The following POLE2 variants were observed in gnomAD, a reference collection of about 807,000 sequenced individuals.
POLE2 encodes DNA polymerase epsilon 2, accessory subunit.
In POLE2, 56 loss-of-function variants were observed where a neutral mutation model predicts 79.4. The observed-to-expected ratio is 0.71, with a 90% CI of 0.57 to 0.88. The LOEUF is 0.88. POLE2 is among the 40% of genes least tolerant of loss of function. POLE2 has a pLI of 0.00. For synonymous variants in POLE2, 212 were observed against 214.0 expected, an observed-to-expected ratio of 0.99 and a Z score of 0.08; for missense variants, 598 against 638.9, an observed-to-expected ratio of 0.94 and a Z score of 0.69.
At chr14:49,681,105 G>C (rs1346030445) in intron 2 of POLE2, among the ~76,000 whole-genome samples, 1 of 152,152 alleles carries the variant, frequency 6.6e-6, no homozygotes, top group Non-Finnish European at 1.5e-5. Flanking sequence ...GCACTTCTCA[G>C]CCTTTTATGC....
chr14:49,669,174 G>A (rs754612971), intron 6 of POLE2, among the ~76,000 whole-genome samples: 1 of 152,202 alleles, frequency 6.6e-6, no homozygotes, highest in Non-Finnish European at 1.5e-5. Context: ...GAGTTCCTTA[G>A]TGTTATGGTC....
chr14:49,673,005 C>T (rs982651916), intron 5 of POLE2, among the ~76,000 whole-genome samples: 1 of 152,144 alleles, frequency 6.6e-6, no homozygotes. Context: ...ACAACATTCT[C>T]TTTTTCCTGT....
intron 8 of POLE2, 84 bp downstream of exon 8, chr14:49,665,023 T>C (rs914435113): frequency 8.4e-6 from 6 of 713,668 alleles, no homozygotes; most frequent in African/African-American, 3.6e-5. Context: ...AGAACCCAAA[T>C]AGGTAAATTT....
chr14:49,645,078 C>G (rs1194050875), intron 18 of POLE2, among the ~76,000 whole-genome samples: 1 of 146,504 alleles, frequency 6.8e-6, no homozygotes, highest in Non-Finnish European at 1.5e-5. Flanking sequence ...AAAAAGCCAG[C>G]TGTACCTATA....
rs541953634 is a variant in POLE2 at position 49,647,316 on chromosome 14, A to T, written c.1542T>A (p.Pro514=). The T allele has an allele frequency of 6.4e-7, 1 of 1,571,494 alleles. No individual in the cohort carries two copies. The highest frequency in any genetic ancestry group is 1.8e-5 in the Admixed American group (1 of 55,790). Residue 514 remains proline (P), a synonymous_variant, in exon 18 of 19, where the codon CCT becomes CCA. Coordinates refer to ENST00000216367, the MANE Select transcript of POLE2 (RefSeq NM_002692.4). ...RSGFSFKVFY[P]SNKTVEDSKL... ...ACCTATCTTCTACTGTCTTATTAGA[A>T]GGATAAAAAACTTTGAATGAAAATC...
At chr14:49,683,389 G>A (rs530993264) in intron 2 of POLE2, among the ~76,000 whole-genome samples, 17 of 150,974 alleles carry the variant, frequency 1.1e-4, no homozygotes, top group African/African-American at 3.2e-4. Flanking sequence ...GCAACAGAGC[G>A]AGACTCCATC....
chr14:49,650,897 T>C (rs1884172919), intron 16 of POLE2, among the ~76,000 whole-genome samples: 2 of 152,210 alleles, frequency 1.3e-5, no homozygotes, highest in African/African-American at 4.8e-5. Context: ...AGATAAATAC[T>C]GCACATTCTT....
intron 6 of POLE2, among the ~76,000 whole-genome samples, chr14:49,667,312 A>T (rs1287151586): frequency 6.6e-6 from 1 of 152,168 alleles, no homozygotes; most frequent in East Asian, 1.9e-4. Context: ...ATGAAATCAT[A>T]GTATATGTAC....
At chr14:49,677,341 C>T (rs1886355007) in intron 3 of POLE2, 1 of 518,466 alleles carries the variant, frequency 1.9e-6, no homozygotes, top group South Asian at 2.2e-5. Context: ...AACTTCCTGA[C>T]TTAGGATCAA....
chr14:49,682,056 G>T (rs570057370), intron 2 of POLE2, among the ~76,000 whole-genome samples: 1 of 146,076 alleles, frequency 6.8e-6, no homozygotes, highest in South Asian at 2.2e-4. Flanking sequence ...CCAGTCTGGA[G>T]TGCAGTGGCA....
intron 5 of POLE2, among the ~76,000 whole-genome samples, chr14:49,670,556 G>T (rs1448507296): frequency 6.6e-6 from 1 of 152,044 alleles, no homozygotes; most frequent in Non-Finnish European, 1.5e-5. Context: ...AGGAATTCAA[G>T]GTCTAGAAAA....
rs118002898 is a variant in POLE2, at chr14:49,661,970, G to C, written c.755+1345C>G. ...GAAACAAATGGTAAACTCACAGCCA[G>C]CCAACTCAACTATACCTCTCATTCC... On this transcript the variant is annotated intron_variant, in intron 10 of 18. Coordinates refer to ENST00000216367, the MANE Select transcript of POLE2 (RefSeq NM_002692.4). Among the ~76,000 whole-genome samples the C allele has an allele frequency of 3.3e-3, 504 of 152,250 alleles. 16 individuals carry two copies. The East Asian group carries it at 0.063, about 19-fold the overall frequency.
At chr14:49,687,645 C>T (rs1887251129) in intron 1 of POLE2, among the ~76,000 whole-genome samples, 1 of 152,102 alleles carries the variant, frequency 6.6e-6, no homozygotes, top group South Asian at 2.1e-4. Flanking sequence ...AAACATTAAA[C>T]TCCTCGCATG....
intron 10 of POLE2, among the ~76,000 whole-genome samples, chr14:49,656,664 C>T (rs1884701760): frequency 6.6e-6 from 1 of 152,184 alleles, no homozygotes; most frequent in Non-Finnish European, 1.5e-5. Context: ...CACTCCCAGC[C>T]TCCACCACTC....
chr14:49,653,107 AG>A (rs1884396839), intron 15 of POLE2, among the ~76,000 whole-genome samples: 1 of 152,362 alleles, frequency 6.6e-6, no homozygotes, highest in Admixed American at 6.5e-5. Flanking sequence ...AGAAGAGGTT[AG>A]GGACACTCGT....
intron 2 of POLE2, among the ~76,000 whole-genome samples, chr14:49,680,336 A>G (rs1400636151): frequency 3.3e-5 from 5 of 150,894 alleles, no homozygotes; most frequent in Non-Finnish European, 7.4e-5. Context: ...TGGGCCACAC[A>G]GAGTGAGATA....
intron 18 of POLE2, 113 bp from the exon 19 acceptor site, chr14:49,643,783 A>G (rs530166358): frequency 3.2e-5 from 15 of 474,442 alleles, no homozygotes; most frequent in African/African-American, 6.1e-5. Flanking sequence ...AAACAGGTCA[A>G]TACATACATA....
At position 49,643,601 on chromosome 14, in the gene POLE2, T is replaced by A. The variant is rs3218801; in HGVS notation, c.*51A>T. On this transcript the variant is annotated 3_prime_UTR_variant, in exon 19 of 19. Transcript: ENST00000216367. Reference sequence around the variant, plus strand: ...TGTAATATCAGAATCACATAAGATATAGAGTTAAGCAGAAAACTGATGAAT... The same window carrying A: ...TGTAATATCAGAATCACATAAGATAAAGAGTTAAGCAGAAAACTGATGAAT... 7 of 953,278 alleles carry A rather than the reference T, an allele frequency of 7.3e-6. No homozygotes were observed. The highest frequency in any genetic ancestry group is 1.1e-5 in the Non-Finnish European group (7 of 610,710). 59.1% of individuals were successfully genotyped at this position (953,278 alleles called of 1,614,324 possible).
intron 10 of POLE2, among the ~76,000 whole-genome samples, chr14:49,657,482 G>C (rs1884780583): frequency 6.6e-6 from 1 of 151,144 alleles, no homozygotes; most frequent in Non-Finnish European, 1.5e-5. Context: ...TCCCAGGCTG[G>C]AGTGCAGTGC....
Sources: allele counts gnomAD v4.1 joint callset (sites outside exome capture counted in the v4.1 genomes callset), GRCh38; gene constraint gnomAD v4.1.1; transcripts MANE v1.5; gene names NCBI Gene and HGNC (gene_info 2026-07-23, HGNC 2026-07-21).